The following PKIG variants were observed in gnomAD, a reference collection of about 807,000 sequenced individuals.
The protein encoded by PKIG is cAMP-dependent protein kinase inhibitor gamma, also known as protein kinase (cAMP-dependent, catalytic) inhibitor gamma.
In PKIG, 1 loss-of-function variant was observed where a neutral mutation model predicts 6.8. The ratio of observed to expected loss-of-function variants is 0.15; its 90% CI spans 0.05 to 0.69. PKIG has a LOEUF of 0.69. Ranked by LOEUF, PKIG falls within the 30% of genes least tolerant of loss-of-function variation. The pLI is 0.82. For synonymous variants in PKIG, 39 were observed against 43.0 expected (o/e 0.91, Z 0.36); for missense variants, 77 against 104.0 (o/e 0.74, Z 1.13).
At chr20:44,586,990 G>A (rs1158114270) in intron 1 of PKIG, among the ~76,000 whole-genome samples, 4 of 152,180 alleles carry the variant, frequency 2.6e-5, no homozygotes, top group Non-Finnish European at 2.9e-5. Context: ...TCATGGCACC[G>A]AAGAAAGTAT....
intron 2 of PKIG, among the ~76,000 whole-genome samples, chr20:44,607,894 C>T (rs2065181050): frequency 6.6e-6 from 1 of 152,072 alleles, no homozygotes; most frequent in Non-Finnish European, 1.5e-5. Context: ...CCATGTTGGC[C>T]AGGATGGTCT....
At chr20:44,578,285 G>A (rs2064917208), upstream of PKIG, among the ~76,000 whole-genome samples, 1 of 146,806 alleles carries the variant, frequency 6.8e-6, no homozygotes, top group African/African-American at 2.5e-5. Flanking sequence ...AGCTTGCAGT[G>A]AGCCGAGATT....
chr20:44,555,055 T>C (rs1441138597), intron 1 of PKIG, among the ~76,000 whole-genome samples: 1 of 152,260 alleles, frequency 6.6e-6, no homozygotes, highest in Admixed American at 6.5e-5. Flanking sequence ...ATCTGTATTT[T>C]TGACAGACTG....
Position 44,544,925 on chromosome 20 carries a change from C to CTTTTTTTTTTTTTTTTTTT in PKIG, c.-241+12957_-241+12975dup, listed in dbSNP as rs796482642. On this transcript the variant is annotated intron_variant, in intron 1 of 4. Transcript: ENST00000372887. The stretch of plus-strand genomic sequence containing the variant: ...TCTTTCTTTCTTTCCTTCCTTCTTT[C>CTTTTTTTTTTTTTTTTTTT]TTTTTTTTTTTTTTTTTTTTTTTTT... Among the ~76,000 whole-genome samples, 6 of 64,386 alleles carry CTTTTTTTTTTTTTTTTTTT rather than the reference C, an allele frequency of 9.3e-5. 1 individual carries two copies. The highest frequency in any genetic ancestry group is 3.7e-4 in the African/African-American group (5 of 13,386). The allele number at this position is 64,386 out of a possible 152,430, so 42.2% of individuals were successfully genotyped here. A position where few individuals can be genotyped will look rare whatever the true frequency, so the allele number is the denominator to read the frequency against.
intron 1 of PKIG, among the ~76,000 whole-genome samples, chr20:44,532,413 T>G (rs2064474873): frequency 6.6e-6 from 1 of 152,174 alleles, no homozygotes; most frequent in African/African-American, 2.4e-5. Flanking sequence ...AAATTTATAT[T>G]TAAAATTCGT....
intron 1 of PKIG, among the ~76,000 whole-genome samples, chr20:44,539,216 G>C (rs766576004): frequency 2.6e-5 from 4 of 151,832 alleles, no homozygotes; most frequent in Admixed American, 2.6e-4. Context: ...TACTACAGGC[G>C]TGAGCCATCA....
At chr20:44,580,299 T>C (rs2064936652), upstream of PKIG, among the ~76,000 whole-genome samples, 1 of 152,044 alleles carries the variant, frequency 6.6e-6, no homozygotes, top group Non-Finnish European at 1.5e-5. Context: ...GAACGGCTGC[T>C]CTCTGTGGGT....
upstream of PKIG, among the ~76,000 whole-genome samples, chr20:44,579,487 G>C (rs1311857420): frequency 6.6e-6 from 1 of 152,236 alleles, no homozygotes; most frequent in African/African-American, 2.4e-5. Context: ...CCTTGCTCCC[G>C]TGAGCCTTTG....
chr20:44,547,311 A>G (rs991189211), intron 1 of PKIG, among the ~76,000 whole-genome samples: 3 of 152,254 alleles, frequency 2.0e-5, no homozygotes, highest in Non-Finnish European at 4.4e-5. Flanking sequence ...AGAGAATGGT[A>G]TAAAGAAACC....
chr20:44,601,267 G>A (rs1329571666), intron 2 of PKIG, among the ~76,000 whole-genome samples: 1 of 152,252 alleles, frequency 6.6e-6, no homozygotes, highest in Admixed American at 6.5e-5. Flanking sequence ...GGCCTGGCAG[G>A]TGCAGAGGCC....
At position 44,613,984 on chromosome 20, in the gene PKIG, G is replaced by A. The variant is rs544886647; in HGVS notation, c.-23-550G>A. On this transcript the variant is annotated intron_variant, in intron 2 of 3. Transcript: ENST00000372886. ...CTCCCTCAGAGCCTTCACACATGCT[G>A]TTCCCCTCTCTGTAGTGCTCTTCCC... Among the ~76,000 whole-genome samples, 7 of 152,200 alleles carry A rather than the reference G, an allele frequency of 4.6e-5. No homozygotes were observed. The East Asian group carries it at 1.4e-3, about 29-fold the overall frequency.
At chr20:44,595,598 C>T (rs1304803950) in intron 2 of PKIG, among the ~76,000 whole-genome samples, 1 of 152,180 alleles carries the variant, frequency 6.6e-6, no homozygotes, top group Non-Finnish European at 1.5e-5. Flanking sequence ...ACTGCAACCT[C>T]CGCCTCCTGG....
intron 1 of PKIG, among the ~76,000 whole-genome samples, chr20:44,557,053 A>C (rs1016234939): frequency 6.6e-6 from 1 of 151,784 alleles, no homozygotes; most frequent in South Asian, 2.1e-4. Context: ...CCATGCATCT[A>C]TCTATTCTAT....
At chr20:44,563,860 T>C (rs570628796) in intron 1 of PKIG, among the ~76,000 whole-genome samples, 1 of 152,322 alleles carries the variant, frequency 6.6e-6, no homozygotes, top group African/African-American at 2.4e-5. Context: ...AAAATCTCTT[T>C]ATGGGTTAAG....
chr20:44,606,046 TG>T (rs2123446711), intron 2 of PKIG, among the ~76,000 whole-genome samples: 1 of 152,274 alleles, frequency 6.6e-6, no homozygotes, highest in Admixed American at 6.5e-5. Flanking sequence ...TATAAAAATA[TG>T]TATGTGGGGA....
At chr20:44,535,285 T>TAA (rs76497647) in intron 1 of PKIG, among the ~76,000 whole-genome samples, 45 of 148,126 alleles carry the variant, frequency 3.0e-4, no homozygotes, top group African/African-American at 1.1e-3. Context: ...AGGGGTAGGT[T>TAA]AAAAAAAAAA....
At chr20:44,616,217 C>T (rs1007640653) in intron 3 of PKIG, among the ~76,000 whole-genome samples, 14 of 152,114 alleles carry the variant, frequency 9.2e-5, no homozygotes, top group Non-Finnish European at 1.3e-4. Flanking sequence ...CTTCCCTGAC[C>T]GCAGTACCCC....
chr20:44,587,987 A>G (rs149012312), intron 1 of PKIG, among the ~76,000 whole-genome samples: 9 of 152,320 alleles, frequency 5.9e-5, no homozygotes, highest in Middle Eastern at 3.4e-3. Flanking sequence ...GTCGAGGTAA[A>G]TAAGACTTTG....
chr20:44,562,742 T>G (rs550469278), intron 1 of PKIG, among the ~76,000 whole-genome samples: 46 of 152,242 alleles, frequency 3.0e-4, no homozygotes, highest in African/African-American at 1.1e-3. Context: ...ATGGATAAAT[T>G]TATTAGTAAT....
Sources: allele counts gnomAD v4.1 joint callset (sites outside exome capture counted in the v4.1 genomes callset), GRCh38; gene constraint gnomAD v4.1.1; transcripts MANE v1.5; gene names NCBI Gene and HGNC (gene_info 2026-07-23, HGNC 2026-07-21).